AGO2: variants seen among roughly 807,000 people sequenced by gnomAD.
AGO2 encodes protein argonaute-2.
A neutral mutation model predicts 102.3 loss-of-function variants in AGO2; 5 were observed. That is an observed-to-expected ratio of 0.05 (90% CI 0.03 to 0.10). AGO2 has a LOEUF of 0.10. Ranked by LOEUF, AGO2 falls within the 10% of genes least tolerant of loss-of-function variation. The probability of loss-of-function intolerance (pLI) is 1.00; values close to 1 mark genes in which losing one functional copy is unlikely to be tolerated. For missense variants in AGO2, 541 were observed against 1,183.7 expected (o/e 0.46, Z 7.97); for synonymous variants, 449 against 473.1 (o/e 0.95, Z 0.66).
At chr8:140,543,540 C>T (rs1010666818) in intron 14 of AGO2, among the ~76,000 whole-genome samples, 1 of 152,190 alleles carries the variant, frequency 6.6e-6, no homozygotes, top group Non-Finnish European at 1.5e-5. Context: ...ACTGCAGCCT[C>T]GACCTCCTGT....
chr8:140,591,184 G>T (rs980358111), intron 1 of AGO2, among the ~76,000 whole-genome samples: 1 of 152,242 alleles, frequency 6.6e-6, no homozygotes, highest in Non-Finnish European at 1.5e-5. Flanking sequence ...CTGCAGGCGC[G>T]GTTCCTGGAA....
At chr8:140,618,247 G>A (rs543601443) in intron 1 of AGO2, among the ~76,000 whole-genome samples, 1 of 152,138 alleles carries the variant, frequency 6.6e-6, no homozygotes, top group African/African-American at 2.4e-5. Context: ...TTGAACCCAG[G>A]TGGCAGAGGT....
chr8:140,559,024 C>A (rs967271577), intron 6 of AGO2, among the ~76,000 whole-genome samples: 10 of 152,156 alleles, frequency 6.6e-5, no homozygotes. Flanking sequence ...AGCAGGCTGA[C>A]TGGGTACAGA....
chr8:140,525,653 G>T lies in AGO2; in HGVS notation c.*6391C>A, dbSNP rs1450952795. ...CGGGGCCAAACTCAATGTCTGATGA[G>T]CAGCCAACATGAGAACGGGGCCACC... On this transcript the variant is annotated 3_prime_UTR_variant, in exon 19 of 19. Coordinates refer to ENST00000220592, the MANE Select transcript of AGO2 (RefSeq NM_012154.5). 1.3e-5 allele frequency: 2 copies of T among 152,246 alleles called. No homozygotes were observed. The highest frequency in any genetic ancestry group is 4.8e-5 in the African/African-American group (2 of 41,430). 9.4% of individuals were successfully genotyped at this position (152,246 alleles called of 1,614,324 possible). A position where few individuals can be genotyped will look rare whatever the true frequency, so the allele number is the denominator to read the frequency against.
chr8:140,633,128 G>A (rs142357294), intron 1 of AGO2, among the ~76,000 whole-genome samples: 54 of 152,160 alleles, frequency 3.5e-4, no homozygotes, highest in Non-Finnish European at 5.9e-4. Flanking sequence ...GGCCAGGATG[G>A]TCTCGATCTC....
At chr8:140,568,972 C>A (rs1306283620) in intron 3 of AGO2, among the ~76,000 whole-genome samples, 1 of 152,204 alleles carries the variant, frequency 6.6e-6, no homozygotes, top group East Asian at 1.9e-4. Flanking sequence ...AGGCTCCCTG[C>A]CGCACACTGC....
At chr8:140,620,515 A>G (rs2074205173) in intron 1 of AGO2, among the ~76,000 whole-genome samples, 1 of 152,200 alleles carries the variant, frequency 6.6e-6, no homozygotes, top group Non-Finnish European at 1.5e-5. Context: ...TGTTCCTTAT[A>G]TCTTCTCCTC....
At chr8:140,639,696 C>A (rs2074430162), upstream of AGO2, among the ~76,000 whole-genome samples, 1 of 152,134 alleles carries the variant, frequency 6.6e-6, no homozygotes, top group Non-Finnish European at 1.5e-5. Context: ...TTGCTTGAGC[C>A]CAGGAGGTCG....
chr8:140,556,937 A>G, intron 8 of AGO2, 152 bp downstream of exon 8: 3 of 1,149,652 alleles, frequency 2.6e-6, no homozygotes, highest in Non-Finnish European at 3.7e-6. Flanking sequence ...GAGGTGTAAC[A>G]AAGCCCATTA....
intron 3 of AGO2, among the ~76,000 whole-genome samples, chr8:140,570,866 A>T (rs909097041): frequency 2.2e-4 from 34 of 152,154 alleles, no homozygotes; most frequent in African/African-American, 8.2e-4. Context: ...AAATTTAAAT[A>T]TCAAATACCA....
intron 1 of AGO2, among the ~76,000 whole-genome samples, chr8:140,615,007 A>G (rs961296834): frequency 1.3e-5 from 2 of 152,186 alleles, no homozygotes; most frequent in African/African-American, 2.4e-5. Flanking sequence ...CCATTCACAT[A>G]TTCATTATCC....
intron 1 of AGO2, among the ~76,000 whole-genome samples, chr8:140,594,856 T>TGTGTGTG (rs2073802522): frequency 6.6e-6 from 1 of 151,952 alleles, no homozygotes; most frequent in South Asian, 2.1e-4. Flanking sequence ...TGTGTGTGTA[T>TGTGTGTG]TTCTCTAATT....
At chr8:140,594,825 C>CTG (rs56012516) in intron 1 of AGO2, among the ~76,000 whole-genome samples, 7,980 of 146,064 alleles carry the variant, frequency 0.055, 256 homozygotes, top group Middle Eastern at 0.13. Context: ...AAGAAAAAAA[C>CTG]TGTGTGTGTG....
In AGO2 at chr8:140,566,630, A is replaced by C. The variant is rs1023565250; in HGVS notation, c.337-3996T>G. ...TTTTTTTTTTTTTTGGGGGGGGGGA[A>C]GGTGTCCCGCTCTCAGTTAAAGAAA... On this transcript the variant is annotated intron_variant, in intron 3 of 18. Coordinates refer to ENST00000220592, the MANE Select transcript of AGO2 (RefSeq NM_012154.5). 1.3e-4 allele frequency among the ~76,000 whole-genome samples: 18 copies of C among 143,300 alleles called. No individual in the cohort carries two copies. The South Asian group carries it at 2.0e-3, about 16-fold the overall frequency. The allele number at this position is 143,300 out of a possible 152,430, so 94.0% of individuals were successfully genotyped here. A position where few individuals can be genotyped will look rare whatever the true frequency, so the allele number is the denominator to read the frequency against.
Position 140,567,912 on chromosome 8 carries a change from G to C in AGO2, c.336+4900C>G, listed in dbSNP as rs536051489. Among the ~76,000 whole-genome samples the C allele has an allele frequency of 4.9e-4, 74 of 152,212 alleles. 1 individual carries two copies. Among genetic ancestry groups the C allele is most frequent in the African/African-American group, 1.8e-3 (73 of 41,534 alleles). ...GGCCGAGGCGGGCTGGATCGCTTGA[G>C]CTCAGGAGTTGCAGACCAGCCCGGG... On this transcript the variant is annotated intron_variant, in intron 3 of 18. Coordinates refer to ENST00000220592, the MANE Select transcript of AGO2 (RefSeq NM_012154.5). The surrounding 1 kb of genome is among the most constrained non-coding windows in gnomAD (Gnocchi z 5.0).
At chr8:140,568,839 C>T (rs549682099) in intron 3 of AGO2, among the ~76,000 whole-genome samples, 4 of 152,240 alleles carry the variant, frequency 2.6e-5, no homozygotes, top group Non-Finnish European at 2.9e-5. Flanking sequence ...CTCGGCACCA[C>T]CTCCTGACCA....
chr8:140,566,622 G>A (rs560288616), intron 3 of AGO2, among the ~76,000 whole-genome samples: 10 of 149,760 alleles, frequency 6.7e-5, no homozygotes, highest in East Asian at 2.0e-4. Flanking sequence ...TTTTTTTGGG[G>A]GGGGGGAAGG....
chr8:140,572,557 C>T (rs2073395923), intron 3 of AGO2: 1 of 398,310 alleles, frequency 2.5e-6, no homozygotes, highest in Admixed American at 4.4e-5. Context: ...GTACTTTGTA[C>T]TTAAAGTTTG....
intron 2 of AGO2, among the ~76,000 whole-genome samples, chr8:140,577,550 T>C (rs1402288378): frequency 6.6e-6 from 1 of 152,216 alleles, no homozygotes; most frequent in Admixed American, 6.5e-5. Context: ...AAACTCATCC[T>C]AAAATAGAAG....
Sources: allele counts gnomAD v4.1 joint callset (sites outside exome capture counted in the v4.1 genomes callset), GRCh38; gene constraint gnomAD v4.1.1; non-coding constraint Gnocchi (gnomAD v3.1); transcripts MANE v1.5; gene names NCBI Gene and HGNC (gene_info 2026-07-23, HGNC 2026-07-21).